The following THSD4 variants were observed in gnomAD, a reference collection of about 807,000 sequenced individuals.
The protein encoded by THSD4 is thrombospondin type-1 domain-containing protein 4.
In THSD4, 69 loss-of-function variants were observed where a neutral mutation model predicts 119.0. The ratio of observed to expected loss-of-function variants is 0.58; its 90% CI spans 0.48 to 0.71. The LOEUF (loss-of-function observed/expected upper bound fraction) is 0.71, where lower values mean the gene tolerates loss of function less well. Among genes scored for constraint, THSD4 ranks in the 30% least tolerant of loss-of-function variants. The pLI is 0.00. For synonymous variants in THSD4, 524 were observed against 540.4 expected (o/e 0.97, Z 0.42); for missense variants, 1,393 against 1,391.1 (o/e 1.00, Z -0.02).
At chr15:71,530,675 C>A (rs2048594923) in intron 7 of THSD4, among the ~76,000 whole-genome samples, 1 of 152,118 alleles carries the variant, frequency 6.6e-6, no homozygotes, top group Admixed American at 6.5e-5. Flanking sequence ...TCTCCTCATC[C>A]AGTTTGCCTT....
chr15:71,530,699 C>T (rs898025837), intron 7 of THSD4, among the ~76,000 whole-genome samples: 24 of 152,096 alleles, frequency 1.6e-4, no homozygotes, highest in Non-Finnish European at 2.9e-5. Context: ...TAAGGAATCT[C>T]ACCCTGAAGA....
intron 8 of THSD4, among the ~76,000 whole-genome samples, chr15:71,723,700 C>T (rs372149500): frequency 9.9e-5 from 15 of 152,080 alleles, no homozygotes; most frequent in East Asian, 3.9e-4. Context: ...TCTTGCATCC[C>T]TTAGAGCATG....
chr15:71,621,207 G>A (rs559022025), intron 7 of THSD4, among the ~76,000 whole-genome samples: 8 of 152,178 alleles, frequency 5.3e-5, no homozygotes, highest in Non-Finnish European at 1.2e-4. Context: ...ATAATTAAAT[G>A]TGTGAGAGGT....
intron 7 of THSD4, among the ~76,000 whole-genome samples, chr15:71,533,867 G>A (rs1372185673): frequency 6.6e-6 from 1 of 152,126 alleles, no homozygotes; most frequent in Admixed American, 6.5e-5. Context: ...TTATTGGCAG[G>A]CTTAGTAATG....
intron 7 of THSD4, among the ~76,000 whole-genome samples, chr15:71,596,288 G>C (rs1053686546): frequency 6.6e-6 from 1 of 152,198 alleles, no homozygotes; most frequent in Non-Finnish European, 1.5e-5. Flanking sequence ...TAGGAACGCA[G>C]TCAGATTGTG....
chr15:71,716,493 C>T (rs1053892884), intron 8 of THSD4, among the ~76,000 whole-genome samples: 1 of 151,456 alleles, frequency 6.6e-6, no homozygotes, highest in Non-Finnish European at 1.5e-5. Flanking sequence ...ACGCTAGAAT[C>T]GCACTGGAGT....
At chr15:71,564,694 GTATAACATATAATACAATATATAT>G (rs1567039205) in intron 7 of THSD4, among the ~76,000 whole-genome samples, 1 of 15,334 alleles carries the variant, frequency 6.5e-5, no homozygotes, top group African/African-American at 3.3e-4. Context: ...ACAATATATA[GTATAACATATAATACAATATATAT>G]TGTATATTAT....
At chr15:71,144,118 C>G (rs1016838541) in intron 2 of THSD4, among the ~76,000 whole-genome samples, 1 of 152,070 alleles carries the variant, frequency 6.6e-6, no homozygotes, top group Non-Finnish European at 1.5e-5. Context: ...AGCTGCTCAG[C>G]GGGACATTTT....
chr15:71,118,850 G>A (rs2040385511), intron 1 of THSD4, among the ~76,000 whole-genome samples: 1 of 152,380 alleles, frequency 6.6e-6, no homozygotes, highest in African/African-American at 2.4e-5. Context: ...GCTTTAGGCT[G>A]CTTTGCTGCC....
chr15:71,486,622 T>A (rs903559013), intron 7 of THSD4, among the ~76,000 whole-genome samples: 1 of 99,996 alleles, frequency 1.0e-5, no homozygotes, highest in African/African-American at 3.4e-5. Flanking sequence ...TTTTTTTTTT[T>A]TTTTTTTTTT....
chr15:71,608,388 C>T (rs1220877834), intron 7 of THSD4, among the ~76,000 whole-genome samples: 1 of 151,922 alleles, frequency 6.6e-6, no homozygotes, highest in African/African-American at 2.4e-5. Context: ...CTCTACCATC[C>T]TTTCATTACT....
chr15:71,725,694 G>A (rs1261104371), intron 8 of THSD4, among the ~76,000 whole-genome samples: 6 of 152,168 alleles, frequency 3.9e-5, no homozygotes, highest in Non-Finnish European at 8.8e-5. Flanking sequence ...GGGGGTCTTG[G>A]TGAGCTAATT....
At chr15:71,157,670 A>G (rs2040792219) in intron 3 of THSD4, among the ~76,000 whole-genome samples, 1 of 128,066 alleles carries the variant, frequency 7.8e-6, no homozygotes. Context: ...TTCTGCTTCT[A>G]TATCAACTCT....
At chr15:71,126,214 C>A (rs1444912125) in intron 1 of THSD4, among the ~76,000 whole-genome samples, 1 of 152,198 alleles carries the variant, frequency 6.6e-6, no homozygotes, top group African/African-American at 2.4e-5. Flanking sequence ...CACCACCCAG[C>A]AGTAACGAAG....
chr15:71,403,017 A>G (rs571035824), intron 6 of THSD4, among the ~76,000 whole-genome samples: 1 of 152,222 alleles, frequency 6.6e-6, no homozygotes, highest in Admixed American at 6.5e-5. Flanking sequence ...CAATATCTCA[A>G]AATGTATTGG....
chr15:71,748,507 C>T lies in THSD4; in HGVS notation c.2328C>T (p.Cys776=). ...NIGDVVDDEE[C]NMKLRPNDIE... Reference sequence around the variant, plus strand: ...GGGATGTGGTTGACGATGAGGAATGCAACATGAAGCTCCGGCCGAATGACA... The same window carrying T: ...GGGATGTGGTTGACGATGAGGAATGTAACATGAAGCTCCGGCCGAATGACA... The change falls in exon 14 of 18, where the codon TGC becomes TGT. Residue 776 remains cysteine (C), a synonymous_variant. Transcript: ENST00000261862. 6.2e-7 allele frequency: 1 copy of T among 1,614,208 alleles called. No homozygotes were observed. The highest frequency in any genetic ancestry group is 8.5e-7 in the Non-Finnish European group (1 of 1,180,042).
chr15:71,205,869 CTTTTTT>C (rs36119455), intron 3 of THSD4, among the ~76,000 whole-genome samples: 2 of 130,858 alleles, frequency 1.5e-5, no homozygotes, highest in African/African-American at 2.9e-5. Context: ...TGGAGATTCT[CTTTTTT>C]TTTTTTTTTT....
chr15:71,534,105 C>T (rs2048655675), intron 7 of THSD4, among the ~76,000 whole-genome samples: 1 of 152,110 alleles, frequency 6.6e-6, no homozygotes. Context: ...GCACACAACA[C>T]ACTTGGCTAG....
At chr15:71,293,094 G>A (rs1379087588) in intron 6 of THSD4, among the ~76,000 whole-genome samples, 1 of 152,194 alleles carries the variant, frequency 6.6e-6, no homozygotes, top group African/African-American at 2.4e-5. Flanking sequence ...CCAGATGGCT[G>A]TCAGCTTTTA....
Sources: allele counts gnomAD v4.1 joint callset (sites outside exome capture counted in the v4.1 genomes callset), GRCh38; gene constraint gnomAD v4.1.1; transcripts MANE v1.5; gene names NCBI Gene and HGNC (gene_info 2026-07-23, HGNC 2026-07-21).